SLC38A4: variants seen among roughly 807,000 people sequenced by gnomAD.
SLC38A4 encodes the protein solute carrier family 38 member 4, also known as sodium-coupled neutral amino acid transporter 4.
In SLC38A4, 20 loss-of-function variants were observed where a neutral mutation model predicts 63.1. That is an observed-to-expected ratio of 0.32 (90% CI 0.22 to 0.46). The LOEUF (loss-of-function observed/expected upper bound fraction) is 0.46, where lower values mean the gene tolerates loss of function less well. SLC38A4 is among the 20% of genes least tolerant of loss of function. The probability of loss-of-function intolerance (pLI) is 1.00; values close to 1 mark genes in which losing one functional copy is unlikely to be tolerated. For missense variants in SLC38A4, 526 were observed against 663.6 expected (o/e 0.79, Z 2.28); for synonymous variants, 230 against 225.5 (o/e 1.02, Z -0.18).
At chr12:46,785,912 T>C (rs1258082419) in intron 5 of SLC38A4, among the ~76,000 whole-genome samples, 1 of 151,874 alleles carries the variant, frequency 6.6e-6, no homozygotes, top group Non-Finnish European at 1.5e-5. Flanking sequence ...GGAGGAGCAA[T>C]GCTGCCTTTT....
chr12:46,771,641 A>C (rs376485017), intron 14 of SLC38A4, among the ~76,000 whole-genome samples: 1 of 152,142 alleles, frequency 6.6e-6, no homozygotes, highest in South Asian at 2.1e-4. Context: ...TTTCCAGTGC[A>C]TTCCTGAAGA....
intron 7 of SLC38A4, among the ~76,000 whole-genome samples, chr12:46,781,856 T>G (rs1331528980): frequency 1.3e-5 from 2 of 152,042 alleles, no homozygotes; most frequent in African/African-American, 4.8e-5. Flanking sequence ...ATTATGCTTA[T>G]GCCTGGTTAT....
rs577200452 is a variant in SLC38A4, at chr12:46,791,766, A to T, written c.119+1187T>A. On this transcript the variant is annotated intron_variant, in intron 3 of 16. Transcript: ENST00000266579. ...TAACATCTGCACAGGGAGAGGGTAC[A>T]TGAAGGAGGGGCAGTCACTTCTACA... Among the ~76,000 whole-genome samples the T allele has an allele frequency of 1.7e-4, 26 of 152,300 alleles. No individual in the cohort carries two copies. The South Asian group carries it at 4.3e-3, about 25-fold the overall frequency.
chr12:46,787,382 G>A lies in SLC38A4; in HGVS notation c.326+534C>T, dbSNP rs117813246. Among the ~76,000 whole-genome samples, 585 of 152,214 alleles carry A rather than the reference G, an allele frequency of 3.8e-3. 1 individual carries two copies. The highest frequency in any genetic ancestry group is 5.9e-3 in the Non-Finnish European group (398 of 68,016). ...TTGCCCCAGTCATGGAGATCAGGGC[G>A]CGCAGTATTCAGGTGAGACTGAACT... On this transcript the variant is annotated intron_variant, in intron 5 of 16. Coordinates refer to ENST00000266579, the MANE Select transcript of SLC38A4 (RefSeq NM_018018.5).
chr12:46,828,046 T>C (rs1039545789), upstream of SLC38A4, among the ~76,000 whole-genome samples: 4 of 152,094 alleles, frequency 2.6e-5, no homozygotes, highest in African/African-American at 7.2e-5. Flanking sequence ...CTCCCCAGCC[T>C]CCTCCCAAGC....
upstream of SLC38A4, among the ~76,000 whole-genome samples, chr12:46,830,298 TCACACACACACA>T (rs10597523): frequency 2.7e-5 from 4 of 148,296 alleles, no homozygotes; most frequent in Admixed American, 6.7e-5. Context: ...TCTCTCTCTC[TCACACACACACA>T]CACACACACA....
intron 2 of SLC38A4, among the ~76,000 whole-genome samples, chr12:46,801,633 C>T (rs1939134160): frequency 6.6e-6 from 1 of 152,082 alleles, no homozygotes; most frequent in Admixed American, 6.6e-5. Context: ...GGTCATGCAA[C>T]TTCTAAAAGC....
rs895709290 is a variant in SLC38A4, at chr12:46,784,183, C to T, written c.493+359G>A. Among the ~76,000 whole-genome samples, 4 of 151,652 alleles carry T rather than the reference C, an allele frequency of 2.6e-5. No homozygotes were observed. The East Asian group carries it at 5.8e-4, about 22-fold the overall frequency. On this transcript the variant is annotated intron_variant, in intron 7 of 16. Transcript: ENST00000266579. ...ACTTTTCAGTTTAGTAAATCGAACT[C>T]AGTCACACATAGAAAACGTCAACTG...
intron 2 of SLC38A4, among the ~76,000 whole-genome samples, chr12:46,801,241 A>C (rs1191839403): frequency 2.6e-5 from 4 of 152,164 alleles, no homozygotes; most frequent in Non-Finnish European, 5.9e-5. Flanking sequence ...CTAATTCTTT[A>C]TATCCAAATT....
chr12:46,780,571 G>A (rs1044898567), intron 7 of SLC38A4, among the ~76,000 whole-genome samples: 8 of 151,620 alleles, frequency 5.3e-5, no homozygotes, highest in African/African-American at 1.7e-4. Context: ...GAATACAAGA[G>A]ATGACAGCTT....
chr12:46,810,468 C>A (rs1939318179), intron 1 of SLC38A4, among the ~76,000 whole-genome samples: 1 of 151,688 alleles, frequency 6.6e-6, no homozygotes, highest in African/African-American at 2.4e-5. Flanking sequence ...TGCAGCAAAC[C>A]ACCATGGCAT....
At chr12:46,816,535 C>T (rs1259387239) in intron 1 of SLC38A4, among the ~76,000 whole-genome samples, 1 of 151,848 alleles carries the variant, frequency 6.6e-6, no homozygotes, top group African/African-American at 2.4e-5. Context: ...TAAAACGTTG[C>T]TTCAACTTCT....
In SLC38A4 at chr12:46,766,385, CTGA is replaced by C. The variant is rs1218426329; in HGVS notation, c.*313_*315del. 6 of 484,908 alleles carry C rather than the reference CTGA, an allele frequency of 1.2e-5. No individual in the cohort carries two copies. Among genetic ancestry groups the C allele is most frequent in the Non-Finnish European group, 2.4e-5 (6 of 246,320 alleles). The allele number at this position is 484,908 out of a possible 1,614,324, so 30.0% of individuals were successfully genotyped here. A position where few individuals can be genotyped will look rare whatever the true frequency, so the allele number is the denominator to read the frequency against. ...GAGACGGCAGGGGAAAGAGTACTATCTGATGATTGTTACATGCAGTTACCCTTA... is the reference window on the plus strand; with the variant it reads ...GAGACGGCAGGGGAAAGAGTACTATCTGATTGTTACATGCAGTTACCCTTA... On this transcript the variant is annotated 3_prime_UTR_variant, in exon 17 of 17. Coordinates refer to ENST00000266579, the MANE Select transcript of SLC38A4 (RefSeq NM_018018.5).
intron 1 of SLC38A4, among the ~76,000 whole-genome samples, chr12:46,812,911 T>C (rs1939367694): frequency 1.3e-5 from 2 of 152,054 alleles, no homozygotes; most frequent in African/African-American, 4.8e-5. Flanking sequence ...TTTCACTAAT[T>C]CTCCTCAGCA....
chr12:46,800,769 C>T (rs563579680), intron 2 of SLC38A4, among the ~76,000 whole-genome samples: 1 of 152,224 alleles, frequency 6.6e-6, no homozygotes, highest in East Asian at 1.9e-4. Context: ...TTCCTAGCAT[C>T]TAGCACAGTG....
chr12:46,769,047 C>T (rs1057105629), intron 15 of SLC38A4, among the ~76,000 whole-genome samples: 2 of 152,064 alleles, frequency 1.3e-5, no homozygotes, highest in Admixed American at 6.6e-5. Context: ...TTATAGGGGT[C>T]AGTTTCCTCA....
intron 7 of SLC38A4, among the ~76,000 whole-genome samples, chr12:46,782,086 T>G (rs58377368): frequency 0.016 from 2,438 of 152,166 alleles, 62 homozygotes; most frequent in African/African-American, 0.056. Flanking sequence ...TATAAAAATT[T>G]TTTTAACACA....
chr12:46,826,324 G>T (rs146428110), upstream of SLC38A4, among the ~76,000 whole-genome samples: 1 of 152,270 alleles, frequency 6.6e-6, no homozygotes, highest in African/African-American at 2.4e-5. Flanking sequence ...GAAAGGGAAG[G>T]TAGAAACAAT....
intron 1 of SLC38A4, among the ~76,000 whole-genome samples, chr12:46,818,492 G>A (rs891057197): frequency 9.9e-4 from 150 of 151,790 alleles, no homozygotes; most frequent in Non-Finnish European, 1.8e-3. Context: ...AGACCCCAAA[G>A]TGAAAGGTCT....
Sources: allele counts gnomAD v4.1 joint callset (sites outside exome capture counted in the v4.1 genomes callset), GRCh38; gene constraint gnomAD v4.1.1; transcripts MANE v1.5; gene names NCBI Gene and HGNC (gene_info 2026-07-23, HGNC 2026-07-21).